GFPT2: variants seen among roughly 807,000 people sequenced by gnomAD.
The protein encoded by GFPT2 is glutamine--fructose-6-phosphate aminotransferase [isomerizing] 2.
A neutral mutation model predicts 85.6 loss-of-function variants in GFPT2; 62 were observed. That is an observed-to-expected ratio of 0.72 (90% CI 0.59 to 0.90). GFPT2 has a LOEUF of 0.90. Ranked by LOEUF, GFPT2 falls within the 40% of genes least tolerant of loss-of-function variation. GFPT2 has a pLI of 0.00. For missense variants in GFPT2, 788 were observed against 893.4 expected, an observed-to-expected ratio of 0.88 and a Z score of 1.50; for synonymous variants, 368 against 344.5, an observed-to-expected ratio of 1.07 and a Z score of -0.75.
intron 3 of GFPT2, 153 bp downstream of exon 3, chr5:180,336,326 C>G (rs138862924): frequency 2.4e-4 from 165 of 684,872 alleles, no homozygotes; most frequent in South Asian, 8.4e-4. Flanking sequence ...CCATACCCTG[C>G]GAAGCCCGGT....
rs536614653 is a variant in GFPT2, at chr5:180,334,121, C to T, written c.340+1707G>A. The stretch of plus-strand genomic sequence containing the variant: ...GGACATAGGGTGTGTGCCTCAGTCA[C>T]GAAATGCCCTATGGTTCAGGGCATG... On this transcript the variant is annotated intron_variant, in intron 4 of 18. Transcript: ENST00000253778. Among the ~76,000 whole-genome samples, 33 of 152,300 alleles carry T rather than the reference C, an allele frequency of 2.2e-4. 1 individual carries two copies. The South Asian group carries it at 5.0e-3, about 23-fold the overall frequency.
At chr5:180,305,180 C>A (rs966292053) in intron 16 of GFPT2, among the ~76,000 whole-genome samples, 1 of 152,140 alleles carries the variant, frequency 6.6e-6, no homozygotes, top group Non-Finnish European at 1.5e-5. Context: ...TGTGTCCCCA[C>A]ACCAGCCCCG....
chr5:180,352,494 C>A, intron 1 of GFPT2: 1 of 448,548 alleles, frequency 2.2e-6, no homozygotes, highest in Non-Finnish European at 4.5e-6. Flanking sequence ...CCCGCAGCCA[C>A]GCGGGACAGC....
At chr5:180,342,626 G>A (rs1014598943) in intron 1 of GFPT2, among the ~76,000 whole-genome samples, 4 of 152,262 alleles carry the variant, frequency 2.6e-5, no homozygotes, top group Admixed American at 2.6e-4. Context: ...CCAGAGGCCA[G>A]CGCAGTGGCT....
intron 1 of GFPT2, among the ~76,000 whole-genome samples, chr5:180,350,113 C>T (rs1353600135): frequency 1.3e-5 from 2 of 152,066 alleles, no homozygotes; most frequent in African/African-American, 4.8e-5. Flanking sequence ...CCAGGTCCCT[C>T]CCCTTCTTCC....
intron 17 of GFPT2, among the ~76,000 whole-genome samples, chr5:180,303,578 G>A (rs939989241): frequency 6.6e-6 from 1 of 152,216 alleles, no homozygotes; most frequent in African/African-American, 2.4e-5. Context: ...AGGGTTTTAA[G>A]TGGGGAAATG....
Position 180,313,824 on chromosome 5 carries a change from C to G in GFPT2, c.1414G>C (p.Gly472Arg), listed in dbSNP as rs1279716199. The G allele has an allele frequency of 1.9e-6, 3 of 1,569,564 alleles. No individual in the cohort carries two copies. Among genetic ancestry groups the G allele is most frequent in the Admixed American group, 1.8e-5 (1 of 55,736 alleles). Residue 472 changes from glycine to arginine, a missense_variant, in exon 14 of 19, where the codon GGC becomes CGC. Physicochemically the swap from Gly to Arg is moderately radical, Grantham distance 125. Transcript: ENST00000253778. The stretch of plus-strand genomic sequence containing the variant: ...CCTCCTACCTTGGTGCTGGCCACGC[C>G]GATCTCCGGCCCTGCGTTGATGTGG... ...GVHINAGPEIGVASTKAYTSQ... is the reference protein window; with the variant it reads ...GVHINAGPEIRVASTKAYTSQ...
intron 14 of GFPT2, 74 bp downstream of exon 14, chr5:180,313,733 C>G: frequency 7.4e-7 from 1 of 1,357,216 alleles, no homozygotes; most frequent in South Asian, 1.4e-5. Context: ...CAGAGCAGGC[C>G]GGAGGAGGGC....
Position 180,324,880 on chromosome 5 carries a change from C to T in GFPT2, c.612G>A (p.Leu204=), listed in dbSNP as rs757036221. Residue 204 remains leucine (L), a synonymous_variant, in exon 8 of 19, where the codon CTG becomes CTA. Coordinates refer to ENST00000253778, the MANE Select transcript of GFPT2 (RefSeq NM_005110.4). ...TGTATTTGCTCCGGACTCCGATGAG[C>T]AGGGGGCTGCCTCTCCTGTAGGGAG... is the stretch of plus-strand genomic sequence containing the variant. ...EAVATRRGSP[L]LIGVRSKYKL... The T allele has an allele frequency of 1.9e-6, 3 of 1,610,304 alleles. No individual in the cohort carries two copies. In the East Asian group the frequency reaches 6.7e-5, roughly 36 times the overall value.
At chr5:180,305,321 T>C (rs904858574) in intron 16 of GFPT2, among the ~76,000 whole-genome samples, 9 of 152,228 alleles carry the variant, frequency 5.9e-5, no homozygotes, top group Non-Finnish European at 1.3e-4. Context: ...GTATTCAGCT[T>C]AGCTACACCT....
At chr5:180,345,331 C>A (rs1043354521) in intron 1 of GFPT2, among the ~76,000 whole-genome samples, 2 of 152,280 alleles carry the variant, frequency 1.3e-5, no homozygotes, top group Non-Finnish European at 2.9e-5. Flanking sequence ...GGCCGCGTTG[C>A]TGTACTAGGT....
chr5:180,319,777 G>A (rs992838506), intron 9 of GFPT2, among the ~76,000 whole-genome samples: 6 of 152,066 alleles, frequency 3.9e-5, no homozygotes, highest in Admixed American at 3.3e-4. Context: ...GAATAAGATC[G>A]AGCTTTTAAC....
At chr5:180,353,155 G>A (rs958280172) in intron 1 of GFPT2, 56 bp downstream of exon 1, 18 of 1,224,018 alleles carry the variant, frequency 1.5e-5, no homozygotes, top group South Asian at 1.2e-4. Flanking sequence ...AGAGGCTGCG[G>A]CGCCGGGACC....
intron 14 of GFPT2, among the ~76,000 whole-genome samples, chr5:180,313,584 C>T (rs1339348328): frequency 6.9e-6 from 1 of 145,544 alleles, no homozygotes; most frequent in Non-Finnish European, 1.5e-5. Flanking sequence ...AGTGAGACTC[C>T]GTCTCAAAAA....
chr5:180,312,232 C>T (rs1428607308), intron 15 of GFPT2, among the ~76,000 whole-genome samples, 198 bp downstream of exon 15: 19 of 100,692 alleles, frequency 1.9e-4, no homozygotes, highest in African/African-American at 5.8e-4. Flanking sequence ...GGAGGCAGCG[C>T]GGCAGCGCAG....
chr5:180,304,906 C>T lies in GFPT2; in HGVS notation c.1708G>A (p.Gly570Ser), dbSNP rs1359523109. The change falls in exon 17 of 19, where the codon GGC (glycine) becomes AGC (serine). Residue 570 changes from glycine (G) to serine (S), a missense_variant. Coordinates refer to ENST00000253778, the MANE Select transcript of GFPT2 (RefSeq NM_005110.4). ...IKEITYMHSE[G>S]ILAGELKHGP... ...TGCTTCAGCTCCCCAGCCAGGATGC[C>T]TTCTGAGTGCATGTAGGTTATCTCT... 6.2e-7 allele frequency: 1 copy of T among 1,613,182 alleles called. No homozygotes were observed. Among genetic ancestry groups the T allele is most frequent in the Non-Finnish European group, 8.5e-7 (1 of 1,179,248 alleles).
At chr5:180,337,488 C>T (rs1031452424) in intron 2 of GFPT2, among the ~76,000 whole-genome samples, 1 of 150,800 alleles carries the variant, frequency 6.6e-6, no homozygotes, top group East Asian at 2.0e-4. Context: ...AGTTTAGGAT[C>T]CTAGAAATGC....
rs774913698 is a variant in GFPT2 at position 180,336,500 on chromosome 5, C to T, written c.193G>A (p.Ala65Thr). The change falls in exon 3 of 19, where the codon GCT becomes ACT. Residue 65 changes from alanine (A) to threonine (T), a missense_variant. Transcript: ENST00000253778. ...QLVKKRGKVKALDEELYKQDS... is the reference protein window; with the variant it reads ...QLVKKRGKVKTLDEELYKQDS... ...TTACTGTAAAGTTCTTCATCGAGAG[C>T]CTTGACTTTCCCCCTTTTCTTGACC... 3.7e-6 allele frequency: 6 copies of T among 1,604,580 alleles called. No homozygotes were observed. The highest frequency in any genetic ancestry group is 3.4e-6 in the Non-Finnish European group (4 of 1,171,266).
At chr5:180,313,020 C>G (rs11960659) in intron 14 of GFPT2, among the ~76,000 whole-genome samples, 104,704 of 151,286 alleles carry the variant, frequency 0.69, 36,351 homozygotes, top group East Asian at 0.88. Context: ...CAGGTGATCC[C>G]CCTGCCTCGG....
Sources: allele counts gnomAD v4.1 joint callset (sites outside exome capture counted in the v4.1 genomes callset), GRCh38; gene constraint gnomAD v4.1.1; transcripts MANE v1.5; gene names NCBI Gene and HGNC (gene_info 2026-07-23, HGNC 2026-07-21).